C4orf33: variants seen among roughly 807,000 people sequenced by gnomAD.
C4orf33 encodes the protein chromosome 4 open reading frame 33.
C4orf33 carries 20 observed loss-of-function variants against 24.3 expected under a neutral mutation model. The observed-to-expected ratio is 0.82, with a 90% CI of 0.58 to 1.19. The LOEUF (loss-of-function observed/expected upper bound fraction) is 1.19. Among genes scored for constraint, C4orf33 ranks in the 50% most tolerant of loss-of-function variants. C4orf33 has a pLI of 0.00. For synonymous variants in C4orf33, 67 were observed against 76.4 expected, an observed-to-expected ratio of 0.88 and a Z score of 0.64; for missense variants, 207 against 225.9, an observed-to-expected ratio of 0.92 and a Z score of 0.54.
chr4:129,114,754 A>G lies in C4orf33; in HGVS notation c.*2963A>G, dbSNP rs1753747875. On this transcript the variant is annotated 3_prime_UTR_variant, in exon 6 of 6. Transcript: ENST00000425929. ...TGAGGCACCTGAAGCTATGAAAGCC[A>G]TCTAGTCATAATGACTCTTCGTGTC... 6.6e-6 allele frequency: 1 copy of G among 152,222 alleles called. No homozygotes were observed. The highest frequency in any genetic ancestry group is 1.5e-5 in the Non-Finnish European group (1 of 68,052). The allele number at this position is 152,222 out of a possible 1,614,324, so 9.4% of individuals were successfully genotyped here. A position where few individuals can be genotyped will look rare whatever the true frequency, so the allele number is the denominator to read the frequency against.
At chr4:129,103,560 T>C (rs937476210) in intron 2 of C4orf33, among the ~76,000 whole-genome samples, 11 of 70,126 alleles carry the variant, frequency 1.6e-4, no homozygotes, top group Non-Finnish European at 4.6e-4. Context: ...AATTAAGACA[T>C]GACATAAAAT....
chr4:129,109,736 TG>T, intron 5 of C4orf33, 64 bp downstream of exon 5: 1 of 1,339,804 alleles, frequency 7.5e-7, no homozygotes. Flanking sequence ...TAATTCTTAG[TG>T]GAGCAGAAGT....
At chr4:129,110,018 TC>T in intron 5 of C4orf33, 5 of 1,068,698 alleles carry the variant, frequency 4.7e-6, no homozygotes, top group Non-Finnish European at 5.7e-6. Flanking sequence ...CATCAGTGTT[TC>T]CTGGTGTGAA....
chr4:129,110,794 C>T (rs1753674774), intron 5 of C4orf33, among the ~76,000 whole-genome samples: 1 of 152,128 alleles, frequency 6.6e-6, no homozygotes, highest in Non-Finnish European at 1.5e-5. Context: ...TCTCCCCAAT[C>T]CTGACATAGC....
chr4:129,111,880 A>G lies in C4orf33; in HGVS notation c.*89A>G, dbSNP rs759753117. The G allele has an allele frequency of 4.6e-5, 30 of 648,090 alleles. No individual in the cohort carries two copies. The highest frequency in any genetic ancestry group is 7.4e-5 in the Non-Finnish European group (28 of 379,792). The allele number at this position is 648,090 out of a possible 1,614,324, so 40.1% of individuals were successfully genotyped here. ...ATATCAATTTTTTAAGATGTCATGCATACATTTCAACAACAAATATCTTCA... is the reference window on the plus strand; with the variant it reads ...ATATCAATTTTTTAAGATGTCATGCGTACATTTCAACAACAAATATCTTCA... On this transcript the variant is annotated 3_prime_UTR_variant, in exon 6 of 6. Transcript: ENST00000425929.
Position 129,115,812 on chromosome 4 carries a change from A to ATATATATATATATATAATATATATATGTT in C4orf33, c.*4037_*4038insATATATATATGTTTATATATATATATATA, listed in dbSNP as rs1430442993. 10 of 123,568 alleles carry ATATATATATATATATAATATATATATGTT rather than the reference A, an allele frequency of 8.1e-5. No homozygotes were observed. The highest frequency in any genetic ancestry group is 1.5e-4 in the Non-Finnish European group (9 of 58,200). The allele number at this position is 123,568 out of a possible 1,614,324, so 7.7% of individuals were successfully genotyped here. ...AAATCTTCTAACTAAATATATATAT[A>ATATATATATATATATAATATATATATGTT]TATATATATATATATATAAAATATA... On this transcript the variant is annotated 3_prime_UTR_variant, in exon 6 of 6. Transcript: ENST00000425929.
At chr4:129,096,028 T>C (rs1488759290), upstream of C4orf33, 2 of 152,204 alleles carry the variant, frequency 1.3e-5, no homozygotes, top group Non-Finnish European at 2.9e-5. Flanking sequence ...CGATTAGAAG[T>C]CTTCAGTTGT....
chr4:129,111,940 T>C lies in C4orf33; in HGVS notation c.*149T>C, dbSNP rs950125399. 19 of 519,456 alleles carry C rather than the reference T, an allele frequency of 3.7e-5. No individual in the cohort carries two copies. Among genetic ancestry groups the C allele is most frequent in the Non-Finnish European group, 5.9e-5 (17 of 288,410 alleles). 32.2% of individuals were successfully genotyped at this position (519,456 alleles called of 1,614,324 possible). A position where few individuals can be genotyped will look rare whatever the true frequency, so the allele number is the denominator to read the frequency against. On this transcript the variant is annotated 3_prime_UTR_variant, in exon 6 of 6. Coordinates refer to ENST00000425929, the MANE Select transcript of C4orf33 (RefSeq NM_001099783.2). Reference sequence around the variant, plus strand: ...CTGAAAATATAGTATCTGTGGCAAATTGTATATGATTAACAAGAAAATATA... The same window carrying C: ...CTGAAAATATAGTATCTGTGGCAAACTGTATATGATTAACAAGAAAATATA...
chr4:129,096,855 G>A (rs1753222088), intron 1 of C4orf33, among the ~76,000 whole-genome samples: 1 of 152,004 alleles, frequency 6.6e-6, no homozygotes, highest in South Asian at 2.1e-4. Context: ...AATATAAAGG[G>A]GAGAAGAGGC....
chr4:129,095,452 T>C (rs1580002787), upstream of C4orf33, among the ~76,000 whole-genome samples: 1 of 152,214 alleles, frequency 6.6e-6, no homozygotes, highest in African/African-American at 2.4e-5. Context: ...ATGAAAAGTA[T>C]CTATTAGTAT....
At chr4:129,104,450 C>T (rs1445656020) in intron 2 of C4orf33, among the ~76,000 whole-genome samples, 1 of 152,196 alleles carries the variant, frequency 6.6e-6, no homozygotes, top group Non-Finnish European at 1.5e-5. Context: ...CTTTTCCTCT[C>T]AAGGTAAGTT....
Position 129,116,084 on chromosome 4 carries a change from A to T in C4orf33, c.*4293A>T, listed in dbSNP as rs1331762843. ...CCTCTGAAGCTAAGATGACACATGT[A>T]TGAGGAATATAGGAAGCCAGAAATC... is the stretch of plus-strand genomic sequence containing the variant. On this transcript the variant is annotated 3_prime_UTR_variant, in exon 6 of 6. Transcript: ENST00000425929. 3 of 151,870 alleles carry T rather than the reference A, an allele frequency of 2.0e-5. No homozygotes were observed. The highest frequency in any genetic ancestry group is 1.3e-4 in the Admixed American group (2 of 15,246). 9.4% of individuals were successfully genotyped at this position (151,870 alleles called of 1,614,324 possible).
At chr4:129,109,773 A>G in intron 5 of C4orf33, 101 bp downstream of exon 5, 4 of 1,046,558 alleles carry the variant, frequency 3.8e-6, no homozygotes, top group Non-Finnish European at 5.5e-6. Flanking sequence ...AGAAGACGAC[A>G]TATGTGCACA....
Position 129,114,392 on chromosome 4 carries a change from A to C in C4orf33, c.*2601A>C, listed in dbSNP as rs566175301. On this transcript the variant is annotated 3_prime_UTR_variant, in exon 6 of 6. Transcript: ENST00000425929. ...CTCTTAAAAGGATTCCACCCTGATTACCCACAGCAGTGGCCAACTAGTAAC... is the reference window on the plus strand; with the variant it reads ...CTCTTAAAAGGATTCCACCCTGATTCCCCACAGCAGTGGCCAACTAGTAAC... 1 of 152,280 alleles carries C rather than the reference A, an allele frequency of 6.6e-6. No homozygotes were observed. Among genetic ancestry groups the C allele is most frequent in the Admixed American group, 6.5e-5 (1 of 15,286 alleles). The allele number at this position is 152,280 out of a possible 1,614,324, so 9.4% of individuals were successfully genotyped here. A position where few individuals can be genotyped will look rare whatever the true frequency, so the allele number is the denominator to read the frequency against.
intron 1 of C4orf33, chr4:129,102,014 A>T (rs1170854257): frequency 2.0e-5 from 3 of 152,080 alleles, no homozygotes; most frequent in African/African-American, 7.2e-5. Context: ...GATTTTGGCC[A>T]AAAGAACAGG....
chr4:129,110,204 TA>T (rs1753647408), intron 5 of C4orf33: 2 of 158,738 alleles, frequency 1.3e-5, no homozygotes, highest in Admixed American at 1.3e-4. Context: ...TTGGATGAAC[TA>T]TAAATATATG....
At chr4:129,104,595 TA>T (rs1753459019) in intron 2 of C4orf33, among the ~76,000 whole-genome samples, 1 of 152,218 alleles carries the variant, frequency 6.6e-6, no homozygotes, top group Non-Finnish European at 1.5e-5. Context: ...TTAAATAAGC[TA>T]CAATATTTCC....
In C4orf33 at chr4:129,109,602, G is replaced by C. The variant is rs986730913; in HGVS notation, c.424G>C (p.Asp142His). ...FNSFAIHGSKDKRSYEALYPV... is the reference protein window; with the variant it reads ...FNSFAIHGSKHKRSYEALYPV... ...TTCATTTGCAATTCATGGATCAAAAGATAAACGAAGTTATGAAGCTCTTTA... is the reference window on the plus strand; with the variant it reads ...TTCATTTGCAATTCATGGATCAAAACATAAACGAAGTTATGAAGCTCTTTA... The change falls in exon 5 of 6, where the codon GAT (aspartate) becomes CAT (histidine). Residue 142 changes from aspartate (D) to histidine (H), a missense_variant. Coordinates refer to ENST00000425929, the MANE Select transcript of C4orf33 (RefSeq NM_001099783.2). 2.5e-6 allele frequency: 4 copies of C among 1,613,944 alleles called. No homozygotes were observed. In the African/African-American group the frequency reaches 5.3e-5, roughly 22 times the overall value.
At position 129,102,652 on chromosome 4, in the gene C4orf33, G is replaced by A. The variant is rs748011974; in HGVS notation, c.42G>A (p.Val14=). The A allele has an allele frequency of 6.2e-7, 1 of 1,613,818 alleles. No homozygotes were observed. The highest frequency in any genetic ancestry group is 1.7e-5 in the Admixed American group (1 of 59,972). ...AACACACTTGGGATGGTTTTCCAGT[G>A]AAGCATGAGCCCGTATTTATCAGGC... The part of the protein sequence containing the change: ...KIEHTWDGFP[V]KHEPVFIRLN... The change falls in exon 2 of 6, where the codon GTG becomes GTA. Residue 14 remains valine (V), a synonymous_variant. Transcript: ENST00000425929.
Sources: gnomAD v4.1 joint callset for allele counts (sites outside exome capture counted in the v4.1 genomes callset) on GRCh38, gnomAD v4.1.1 for gene constraint, MANE v1.5 for transcripts, NCBI Gene and HGNC (gene_info 2026-07-23, HGNC 2026-07-21) for gene names.